GALNT13: variants seen among roughly 807,000 people sequenced by gnomAD.
GALNT13 encodes polypeptide N-acetylgalactosaminyltransferase 13, also known as UDP-GalNAc:polypeptide N-acetylgalactosaminyltransferase 13.
Under a neutral mutation model 64.2 loss-of-function variants are expected in GALNT13, and 28 were observed. That is an observed-to-expected ratio of 0.44 (90% CI 0.32 to 0.60). GALNT13 has a LOEUF of 0.60. GALNT13 is among the 20% of genes least tolerant of loss of function. The pLI, the probability that GALNT13 is intolerant of heterozygous loss-of-function variation, is 0.05. For missense variants in GALNT13, 577 were observed against 669.8 expected (o/e 0.86, Z 1.53); for synonymous variants, 214 against 224.6 (o/e 0.95, Z 0.42).
At chr2:153,803,508 C>A in the GALNT13 span, among the ~76,000 whole-genome samples, 4 of 151,762 alleles carry the variant, frequency 2.6e-5, no homozygotes, top group South Asian at 2.1e-4. Context: ...CTGGCTAACA[C>A]GGTGAAACCC....
the GALNT13 span, among the ~76,000 whole-genome samples, chr2:153,744,469 A>G: frequency 6.6e-6 from 1 of 152,098 alleles, no homozygotes; most frequent in Non-Finnish European, 1.5e-5. Context: ...TCCCATTTGT[A>G]TGTCTTCTTT....
At chr2:153,345,633 CTTTT>C in the GALNT13 span, among the ~76,000 whole-genome samples, 12 of 111,760 alleles carry the variant, frequency 1.1e-4, no homozygotes, top group Admixed American at 4.6e-4. Context: ...CTTTTCCTTT[CTTTT>C]TCTTTCTTTC....
the GALNT13 span, among the ~76,000 whole-genome samples, chr2:153,685,618 T>C: frequency 6.6e-6 from 1 of 152,112 alleles, no homozygotes. Flanking sequence ...GTATGTTGCC[T>C]GGTTACTCTG....
chr2:153,402,614 G>A, the GALNT13 span, among the ~76,000 whole-genome samples: 22 of 152,130 alleles, frequency 1.4e-4, no homozygotes, highest in Middle Eastern at 3.4e-3. Flanking sequence ...TTTCTTGGAG[G>A]CTTTTCTCAT....
chr2:153,089,101 T>C, the GALNT13 span, among the ~76,000 whole-genome samples: 1 of 152,210 alleles, frequency 6.6e-6, no homozygotes, highest in Non-Finnish European at 1.5e-5. Flanking sequence ...AAGATCTATT[T>C]TGGTGTATTT....
At chr2:153,267,440 A>C in the GALNT13 span, among the ~76,000 whole-genome samples, 1 of 152,226 alleles carries the variant, frequency 6.6e-6, no homozygotes, top group Non-Finnish European at 1.5e-5. Context: ...TCCAAAGCTC[A>C]ACTCTTGTCT....
chr2:153,562,039 TCTTTC>T, the GALNT13 span, among the ~76,000 whole-genome samples: 3 of 126,196 alleles, frequency 2.4e-5, no homozygotes, highest in African/African-American at 9.4e-5. Context: ...CCTCTCTCTC[TCTTTC>T]TCTCTCTCTC....
the GALNT13 span, among the ~76,000 whole-genome samples, chr2:153,551,099 T>G: frequency 4.6e-4 from 70 of 152,280 alleles, no homozygotes; most frequent in African/African-American, 1.6e-3. Context: ...GGAGAAAATA[T>G]TGCCCTTTAA....
At chr2:153,259,835 GT>G in the GALNT13 span, among the ~76,000 whole-genome samples, 1 of 152,014 alleles carries the variant, frequency 6.6e-6, no homozygotes, top group Non-Finnish European at 1.5e-5. Flanking sequence ...TTGCCACGTT[GT>G]TATTTTTTTA....
At chr2:154,023,956 C>T (rs1425860468) in intron 3 of GALNT13, among the ~76,000 whole-genome samples, 1 of 152,088 alleles carries the variant, frequency 6.6e-6, no homozygotes, top group African/African-American at 2.4e-5. Context: ...ACTTATGAAG[C>T]TTAGTTTGGC....
chr2:154,145,119 T>TATATATATACAC lies in GALNT13; in HGVS notation c.311+4615_311+4616insTATATATACACA, dbSNP rs1444821982. On this transcript the variant is annotated intron_variant, in intron 4 of 12. Transcript: ENST00000392825. ...ATCTATCTATATATATATATATATA[T>TATATATATACAC]ACACACACTAAAAATTTACATATAA... Among the ~76,000 whole-genome samples, 26 of 137,262 alleles carry TATATATATACAC rather than the reference T, an allele frequency of 1.9e-4. No homozygotes were observed. The East Asian group carries it at 2.0e-3, about 11-fold the overall frequency. 90.0% of individuals were successfully genotyped at this position (137,262 alleles called of 152,430 possible).
the GALNT13 span, among the ~76,000 whole-genome samples, chr2:153,750,572 A>C: frequency 6.6e-6 from 1 of 151,528 alleles, no homozygotes; most frequent in Non-Finnish European, 1.5e-5. Context: ...GTGTCTAGGA[A>C]TTTTACCATT....
chr2:153,133,878 T>C, the GALNT13 span, among the ~76,000 whole-genome samples: 1 of 152,192 alleles, frequency 6.6e-6, no homozygotes, highest in African/African-American at 2.4e-5. Context: ...TTCTTTTCTT[T>C]CTTCAGACAG....
chr2:153,824,359 C>G, the GALNT13 span, among the ~76,000 whole-genome samples: 4 of 152,130 alleles, frequency 2.6e-5, no homozygotes, highest in African/African-American at 9.7e-5. Flanking sequence ...TTTTACCCAG[C>G]AATCCCATTA....
intron 3 of GALNT13, among the ~76,000 whole-genome samples, chr2:154,033,908 C>T (rs1405497805): frequency 1.3e-5 from 2 of 152,214 alleles, no homozygotes; most frequent in East Asian, 3.9e-4. Flanking sequence ...CATTGCACTC[C>T]AGCTCTGGCG....
At chr2:153,758,322 C>G in the GALNT13 span, among the ~76,000 whole-genome samples, 1 of 147,674 alleles carries the variant, frequency 6.8e-6, no homozygotes, top group Admixed American at 6.7e-5. Flanking sequence ...TTTTGGCTCT[C>G]TATTCTGTTC....
chr2:153,523,598 A>G, the GALNT13 span, among the ~76,000 whole-genome samples: 3 of 152,164 alleles, frequency 2.0e-5, no homozygotes, highest in Non-Finnish European at 4.4e-5. Context: ...TGTGAGTTTA[A>G]TTTCAAATTC....
intron 9 of GALNT13, among the ~76,000 whole-genome samples, chr2:154,346,442 G>A (rs1331004123): frequency 1.3e-5 from 2 of 152,118 alleles, no homozygotes; most frequent in African/African-American, 2.4e-5. Context: ...CTCACATGTT[G>A]TGGGAGGGAG....
the GALNT13 span, among the ~76,000 whole-genome samples, chr2:153,530,666 A>G: frequency 8.5e-5 from 13 of 152,062 alleles, no homozygotes; most frequent in African/African-American, 3.1e-4. Flanking sequence ...TGGCAACAAA[A>G]CAGAACAAAA....
Sources: gnomAD v4.1 joint callset for allele counts (sites outside exome capture counted in the v4.1 genomes callset) on GRCh38, gnomAD v4.1.1 for gene constraint, MANE v1.5 for transcripts, NCBI Gene and HGNC (gene_info 2026-07-23, HGNC 2026-07-21) for gene names.